SIGIRR: variants seen among roughly 807,000 people sequenced by gnomAD.
The protein encoded by SIGIRR is single Ig and TIR domain containing.
SIGIRR carries 41 observed loss-of-function variants against 45.6 expected under a neutral mutation model. The observed-to-expected ratio is 0.90, with a 90% CI of 0.70 to 1.17. SIGIRR has a LOEUF of 1.17. SIGIRR is among the 50% of genes most tolerant of loss of function. SIGIRR has a pLI of 0.00. For missense variants in SIGIRR, 599 were observed against 539.6 expected, an observed-to-expected ratio of 1.11 and a Z score of -1.09; for synonymous variants, 298 against 239.0, an observed-to-expected ratio of 1.25 and a Z score of -2.28.
rs1488851358 is a variant in SIGIRR at position 406,838 on chromosome 11, C to T, written c.879+5G>A. ...GCCCCGGACCCTCCCGCGCCTGCTC[C>T]GCACCACGGAGCCGGGCCTCCAGAG... On this transcript the variant is annotated splice_donor_5th_base_variant and intron_variant, in intron 8 of 9. Coordinates refer to ENST00000431843, the MANE Select transcript of SIGIRR (RefSeq NM_001135054.2). 6.5e-7 allele frequency: 1 copy of T among 1,546,548 alleles called. No individual in the cohort carries two copies. Among genetic ancestry groups the T allele is most frequent in the Non-Finnish European group, 8.7e-7 (1 of 1,152,378 alleles).
In SIGIRR at chr11:406,535, G is replaced by C. The variant is rs536756635; in HGVS notation, c.883C>G (p.Pro295Ala). The change falls in exon 9 of 10, where the codon CCT (proline) becomes GCT (alanine). Residue 295 changes from proline to alanine, a missense_variant. Coordinates refer to ENST00000431843, the MANE Select transcript of SIGIRR (RefSeq NM_001135054.2). ...ACTTCTTTCCAAAAATCGGAGGAAGGAGTCTGGGGGCCAGGTCGGGGCGGT... is the reference window on the plus strand; with the variant it reads ...ACTTCTTTCCAAAAATCGGAGGAAGCAGTCTGGGGGCCAGGTCGGGGCGGT... ...LLLWRPGSVT[P>A]SSDFWKEVQL... is the part of the protein sequence containing the mutation. 1 of 1,607,998 alleles carries C rather than the reference G, an allele frequency of 6.2e-7. No individual in the cohort carries two copies. The highest frequency in any genetic ancestry group is 2.2e-5 in the East Asian group (1 of 44,778).
At chr11:417,029 CG>C (rs1847906016), upstream of SIGIRR, among the ~76,000 whole-genome samples, 1 of 152,208 alleles carries the variant, frequency 6.6e-6, no homozygotes, top group South Asian at 2.1e-4. This position sits in a 1 kb window ranked among gnomAD's most constrained non-coding sequence, Gnocchi z 4.2. Context: ...CTCCTAGCCC[CG>C]CTCTGTTCTG....
In SIGIRR at chr11:407,181, G is replaced by A. The variant is rs771633617; in HGVS notation, c.626-17C>T. On this transcript the variant is annotated splice_polypyrimidine_tract_variant and intron_variant, in intron 6 of 9. Coordinates refer to ENST00000431843, the MANE Select transcript of SIGIRR (RefSeq NM_001135054.2). ...CGGAGGGCTCTGCGGGAGGGCGGGC[G>A]TCGGCGGCGCAGGGGCGGGGGCGGG... 8 of 1,363,714 alleles carry A rather than the reference G, an allele frequency of 5.9e-6. No individual in the cohort carries two copies. The highest frequency in any genetic ancestry group is 3.1e-5 in the Admixed American group (1 of 32,060). The allele number at this position is 1,363,714 out of a possible 1,614,324, so 84.5% of individuals were successfully genotyped here.
At chr11:409,285 C>T in intron 2 of SIGIRR, 1 of 379,352 alleles carries the variant, frequency 2.6e-6, no homozygotes, top group South Asian at 2.1e-5. Context: ...CACCCCTCAG[C>T]CTGGCCTGCC....
In SIGIRR at chr11:407,167, G is replaced by A. The variant is rs745946428; in HGVS notation, c.626-3C>T. 3 of 1,454,914 alleles carry A rather than the reference G, an allele frequency of 2.1e-6. No individual in the cohort carries two copies. The highest frequency in any genetic ancestry group is 2.7e-6 in the Non-Finnish European group (3 of 1,106,608). The allele number at this position is 1,454,914 out of a possible 1,614,324, so 90.1% of individuals were successfully genotyped here. A position where few individuals can be genotyped will look rare whatever the true frequency, so the allele number is the denominator to read the frequency against. ...CACCAAGAGGTCGGCGGAGGGCTCTGCGGGAGGGCGGGCGTCGGCGGCGCA... is the reference window on the plus strand; with the variant it reads ...CACCAAGAGGTCGGCGGAGGGCTCTACGGGAGGGCGGGCGTCGGCGGCGCA... On this transcript the variant is annotated splice_region_variant and splice_polypyrimidine_tract_variant and intron_variant, in intron 6 of 9. Transcript: ENST00000431843.
Position 408,753 on chromosome 11 carries a change from G to A in SIGIRR, c.148C>T (p.Leu50=). Residue 50 remains leucine (L), a synonymous_variant, in exon 3 of 10, where the codon CTG becomes TTG. Coordinates refer to ENST00000431843, the MANE Select transcript of SIGIRR (RefSeq NM_001135054.2). ...ATTCCCAATGGAAGCCCGTCTTTCA[G>A]CCACTGGACTGAAGGCAGGGAGCAG... The part of the protein sequence containing the change: ...PHCSLPSVQW[L]KDGLPLGIGG... 1 of 1,612,798 alleles carries A rather than the reference G, an allele frequency of 6.2e-7. No individual in the cohort carries two copies. Among genetic ancestry groups the A allele is most frequent in the Non-Finnish European group, 8.5e-7 (1 of 1,179,990 alleles).
chr11:416,146 A>G (rs1190441480), upstream of SIGIRR, among the ~76,000 whole-genome samples: 12 of 152,068 alleles, frequency 7.9e-5, no homozygotes, highest in African/African-American at 2.2e-4. This position sits in a 1 kb window ranked among gnomAD's most constrained non-coding sequence, Gnocchi z 9.1. Flanking sequence ...AAGCCCCTCA[A>G]GAAGGTTCTC....
At chr11:406,767 G>C (rs925685743) in intron 8 of SIGIRR, 76 bp downstream of exon 8, 3 of 1,446,550 alleles carry the variant, frequency 2.1e-6, no homozygotes, top group Admixed American at 5.3e-5. Context: ...CCACGGAGGG[G>C]TCCCAGCCTG....
At chr11:407,371 C>G (rs190799462) in intron 6 of SIGIRR, 54 bp downstream of exon 6, 1 of 766,632 alleles carries the variant, frequency 1.3e-6, no homozygotes, top group Non-Finnish European at 1.7e-6. Flanking sequence ...GAGCATGGGG[C>G]GGGGCGGGGC....
Position 405,728 on chromosome 11 carries a change from G to C in SIGIRR, c.*168C>G. 1.3e-6 allele frequency: 1 copy of C among 757,460 alleles called. No homozygotes were observed. Among genetic ancestry groups the C allele is most frequent in the Non-Finnish European group, 2.0e-6 (1 of 492,016 alleles). 46.9% of individuals were successfully genotyped at this position (757,460 alleles called of 1,614,324 possible). A position where few individuals can be genotyped will look rare whatever the true frequency, so the allele number is the denominator to read the frequency against. Reference sequence around the variant, plus strand: ...ACCGAGGCCCCAGCAGAATCCAAAAGGACTTTATTTTCTGGCACTGGGAGG... The same window carrying C: ...ACCGAGGCCCCAGCAGAATCCAAAACGACTTTATTTTCTGGCACTGGGAGG... On this transcript the variant is annotated 3_prime_UTR_variant, in exon 10 of 10. Transcript: ENST00000431843.
Position 409,229 on chromosome 11 carries a change from C to A in SIGIRR, c.8-336G>T, listed in dbSNP as rs1397336375. Reference sequence around the variant, plus strand: ...TTCCCAGATGCACCTGTTGCCCACCCCTGGTGACACCATGATGCCTGTCTC... The same window carrying A: ...TTCCCAGATGCACCTGTTGCCCACCACTGGTGACACCATGATGCCTGTCTC... On this transcript the variant is annotated intron_variant, in intron 2 of 9. Coordinates refer to ENST00000431843, the MANE Select transcript of SIGIRR (RefSeq NM_001135054.2). 4 of 465,744 alleles carry A rather than the reference C, an allele frequency of 8.6e-6. No individual in the cohort carries two copies. In the Admixed American group the frequency reaches 1.2e-4, roughly 14 times the overall value. The allele number at this position is 465,744 out of a possible 1,614,324, so 28.9% of individuals were successfully genotyped here. A position where few individuals can be genotyped will look rare whatever the true frequency, so the allele number is the denominator to read the frequency against.
At chr11:406,217 C>T (rs1422034683) in intron 9 of SIGIRR, 132 bp downstream of exon 9, 12 of 1,539,262 alleles carry the variant, frequency 7.8e-6, no homozygotes, top group Non-Finnish European at 1.0e-5. Flanking sequence ...GGGCAGAGGC[C>T]GTGCAGGGGC....
intron 8 of SIGIRR, 124 bp downstream of exon 8, chr11:406,719 C>A: frequency 7.1e-7 from 1 of 1,418,436 alleles, no homozygotes; most frequent in Non-Finnish European, 9.2e-7. Context: ...GAACCTCCCC[C>A]CAGGGCCCAT....
At chr11:408,480 G>A (rs895328028) in intron 3 of SIGIRR, among the ~76,000 whole-genome samples, 3 of 152,178 alleles carry the variant, frequency 2.0e-5, no homozygotes, top group East Asian at 1.9e-4. Flanking sequence ...GCTGACACCC[G>A]TAGCCCTGGG....
At chr11:407,288 T>C in intron 6 of SIGIRR, 124 bp from the exon 7 acceptor site, 1 of 730,252 alleles carries the variant, frequency 1.4e-6, no homozygotes, top group Non-Finnish European at 2.0e-6. Context: ...TGGGCGGGTT[T>C]TTGAGGCGGG....
Position 407,168 on chromosome 11 carries a change from C to A in SIGIRR, c.626-4G>T, listed in dbSNP as rs535852242. The A allele has an allele frequency of 3.8e-5, 39 of 1,024,800 alleles. No individual in the cohort carries two copies. The African/African-American group carries it at 8.7e-4, about 23-fold the overall frequency. 63.5% of individuals were successfully genotyped at this position (1,024,800 alleles called of 1,614,324 possible). On this transcript the variant is annotated splice_region_variant and splice_polypyrimidine_tract_variant and intron_variant, in intron 6 of 9. Coordinates refer to ENST00000431843, the MANE Select transcript of SIGIRR (RefSeq NM_001135054.2). ...ACCAAGAGGTCGGCGGAGGGCTCTG[C>A]GGGAGGGCGGGCGTCGGCGGCGCAG...
intron 2 of SIGIRR, chr11:409,274 G>A (rs1366990980): frequency 2.5e-6 from 1 of 399,330 alleles, no homozygotes; most frequent in Non-Finnish European, 4.9e-6. Context: ...GCCGGGCACT[G>A]CACCCCTCAG....
At chr11:409,724 A>G in intron 2 of SIGIRR, 144 bp downstream of exon 2, 9 of 895,582 alleles carry the variant, frequency 1.0e-5, no homozygotes, top group African/African-American at 1.8e-5. Context: ...GCCCAGTGGG[A>G]GGGGTGAGCA....
At chr11:409,249 T>C in intron 2 of SIGIRR, 1 of 444,176 alleles carries the variant, frequency 2.3e-6, no homozygotes, top group South Asian at 1.8e-5. Context: ...CCATGATGCC[T>C]GTCTCATAGG....
Sources: gnomAD v4.1 joint callset for allele counts (sites outside exome capture counted in the v4.1 genomes callset) on GRCh38, gnomAD v4.1.1 for gene constraint, Gnocchi (gnomAD v3.1) non-coding constraint, MANE v1.5 for transcripts, NCBI Gene and HGNC (gene_info 2026-07-23, HGNC 2026-07-21) for gene names.